PADI4: variants seen among roughly 807,000 people sequenced by gnomAD.
The protein encoded by PADI4 is protein-arginine deiminase type-4.
PADI4 carries 62 observed loss-of-function variants against 75.0 expected under a neutral mutation model. The observed-to-expected ratio is 0.83, with a 90% CI of 0.67 to 1.02. PADI4 has a LOEUF of 1.02. Among genes scored for constraint, PADI4 ranks in the 50% least tolerant of loss-of-function variants. PADI4 has a pLI of 0.00. For synonymous variants in PADI4, 361 were observed against 348.1 expected (o/e 1.04, Z -0.41); for missense variants, 845 against 850.5 (o/e 0.99, Z 0.08).
chr1:17,331,463 C>T (rs1257001877), intron 2 of PADI4, among the ~76,000 whole-genome samples: 1 of 152,228 alleles, frequency 6.6e-6, no homozygotes, highest in Non-Finnish European at 1.5e-5. Context: ...GGGTGCAGCC[C>T]TCATGGGGCT....
In PADI4 at chr1:17,334,024, G is replaced by C; in HGVS notation, c.340+15G>C. 6.4e-7 allele frequency: 1 copy of C among 1,561,150 alleles called. No homozygotes were observed. Among genetic ancestry groups the C allele is most frequent in the Non-Finnish European group, 8.8e-7 (1 of 1,131,428 alleles). Reference sequence around the variant, plus strand: ...CACCGGGGTGGGTAAGTGACAACCAGGATCCTAGAGTGCCGTCTCATCCCC... The same window carrying C: ...CACCGGGGTGGGTAAGTGACAACCACGATCCTAGAGTGCCGTCTCATCCCC... On this transcript the variant is annotated intron_variant, in intron 3 of 15. Transcript: ENST00000375448.
At chr1:17,315,390 C>T (rs911275260) in intron 1 of PADI4, among the ~76,000 whole-genome samples, 1 of 152,196 alleles carries the variant, frequency 6.6e-6, no homozygotes, top group Admixed American at 6.5e-5. Flanking sequence ...GGGTGTCATT[C>T]CTCTTTGCAT....
At chr1:17,334,054 C>G in intron 3 of PADI4, 45 bp downstream of exon 3, 1 of 1,194,494 alleles carries the variant, frequency 8.4e-7, no homozygotes. Context: ...ATCCCCTGCC[C>G]ACCTCCTAAT....
At chr1:17,340,299 A>G (rs150719848) in intron 6 of PADI4, among the ~76,000 whole-genome samples, 1 of 152,272 alleles carries the variant, frequency 6.6e-6, no homozygotes, top group African/African-American at 2.4e-5. Context: ...TGGGAGAACT[A>G]TAGGTAAAAT....
rs2074877142 is a variant in PADI4 at position 17,363,561 on chromosome 1, A to G, written c.1798A>G (p.Lys600Glu). 1 of 1,613,886 alleles carries G rather than the reference A, an allele frequency of 6.2e-7. No homozygotes were observed. The highest frequency in any genetic ancestry group is 1.3e-5 in the African/African-American group (1 of 74,928). Residue 600 changes from lysine (K) to glutamate (E), a missense_variant, in exon 16 of 16, where the codon AAG becomes GAG. By Grantham distance (56) the Lys-to-Glu change is moderately conservative (BLOSUM62 1). Coordinates refer to ENST00000375448, the MANE Select transcript of PADI4 (RefSeq NM_012387.3). ...GCTAGGGAAGCACCTGGGCATCCCC[A>G]AGCCCTTCGGGCCCGTCATCAACGG... ...LVLGKHLGIP[K>E]PFGPVINGRC...
intron 1 of PADI4, among the ~76,000 whole-genome samples, chr1:17,330,351 G>A (rs934654808): frequency 6.6e-6 from 1 of 152,186 alleles, no homozygotes; most frequent in Non-Finnish European, 1.5e-5. Flanking sequence ...GTTCTCCAGA[G>A]GGACAGAATA....
chr1:17,353,520 C>G (rs530988601), intron 10 of PADI4, among the ~76,000 whole-genome samples: 2 of 152,194 alleles, frequency 1.3e-5, no homozygotes, highest in African/African-American at 4.8e-5. Flanking sequence ...AGTTCATGGC[C>G]CCCATGAAGC....
intron 1 of PADI4, among the ~76,000 whole-genome samples, chr1:17,319,785 C>T (rs559274365): frequency 1.5e-3 from 221 of 152,292 alleles, no homozygotes; most frequent in Non-Finnish European, 2.6e-3. Flanking sequence ...TTGACTACAG[C>T]TCGGCATCGG....
intron 13 of PADI4, among the ~76,000 whole-genome samples, chr1:17,357,627 G>A (rs928869285): frequency 1.3e-5 from 2 of 152,040 alleles, no homozygotes; most frequent in African/African-American, 4.8e-5. Flanking sequence ...TCCTGTAAGT[G>A]TGCTATTAAA....
chr1:17,343,932 T>C (rs2074469469), intron 8 of PADI4, among the ~76,000 whole-genome samples: 1 of 152,128 alleles, frequency 6.6e-6, no homozygotes, highest in Non-Finnish European at 1.5e-5. Context: ...GCTGAAAAGA[T>C]ACCCAAAATG....
At position 17,358,820 on chromosome 1, in the gene PADI4, T is replaced by C. The variant is rs1305423830; in HGVS notation, c.1559-18T>C. ...CCTCTAAGTTCATTTGCCTTTTTTT[T>C]CTTTTTCTCCATGACAGAAAAAAAA... On this transcript the variant is annotated intron_variant, in intron 13 of 15. Transcript: ENST00000375448. 10 of 1,564,784 alleles carry C rather than the reference T, an allele frequency of 6.4e-6. No individual in the cohort carries two copies. Among genetic ancestry groups the C allele is most frequent in the Admixed American group, 1.8e-5 (1 of 56,380 alleles).
intron 1 of PADI4, among the ~76,000 whole-genome samples, chr1:17,313,900 AC>A (rs1293847496): frequency 6.6e-6 from 1 of 152,178 alleles, no homozygotes; most frequent in African/African-American, 2.4e-5. Context: ...CCTGGTGTGA[AC>A]CCCCAGATGT....
At chr1:17,320,106 G>C (rs552093631) in intron 1 of PADI4, among the ~76,000 whole-genome samples, 1 of 152,316 alleles carries the variant, frequency 6.6e-6, no homozygotes, top group East Asian at 1.9e-4. Context: ...GTGTCGGCAA[G>C]GCTGTATTCC....
At chr1:17,336,514 G>A (rs1374872180) in intron 4 of PADI4, among the ~76,000 whole-genome samples, 1 of 152,152 alleles carries the variant, frequency 6.6e-6, no homozygotes. Flanking sequence ...GGCAGGTCTC[G>A]ACTCTGGCTC....
At chr1:17,362,741 T>C (rs886623481) in intron 15 of PADI4, among the ~76,000 whole-genome samples, 2 of 152,216 alleles carry the variant, frequency 1.3e-5, no homozygotes, top group Admixed American at 1.3e-4. Flanking sequence ...ATAGCTGTAG[T>C]CCAAGTATAG....
intron 10 of PADI4, among the ~76,000 whole-genome samples, chr1:17,353,841 T>C (rs2074712045): frequency 6.6e-6 from 1 of 151,968 alleles, no homozygotes. Context: ...GACACGGAAA[T>C]ATAATAGATT....
intron 1 of PADI4, among the ~76,000 whole-genome samples, chr1:17,327,622 A>T (rs1295936412): frequency 6.6e-6 from 1 of 151,502 alleles, no homozygotes; most frequent in African/African-American, 2.4e-5. Context: ...GGTTACTGCA[A>T]CCTCTGCCTC....
rs920458728 is a variant in PADI4, at chr1:17,359,191, C to T, written c.1630-89C>T. 42 of 973,682 alleles carry T rather than the reference C, an allele frequency of 4.3e-5. No individual in the cohort carries two copies. The Admixed American group carries it at 4.4e-4, about 10-fold the overall frequency. 60.3% of individuals were successfully genotyped at this position (973,682 alleles called of 1,614,324 possible). A position where few individuals can be genotyped will look rare whatever the true frequency, so the allele number is the denominator to read the frequency against. On this transcript the variant is annotated intron_variant, in intron 14 of 15. Transcript: ENST00000375448. ...TGACACTGTCCCAGGTCCTACCCTC[C>T]GGCAGGGGGCCTCAGCCCCACACTG...
intron 13 of PADI4, 58 bp from the exon 14 acceptor site, chr1:17,358,780 G>C: frequency 8.6e-7 from 1 of 1,160,114 alleles, no homozygotes. Context: ...CACTGGCTGG[G>C]AAGAGGGAAA....
Sources: gnomAD v4.1 joint callset for allele counts (sites outside exome capture counted in the v4.1 genomes callset) on GRCh38, gnomAD v4.1.1 for gene constraint, MANE v1.5 for transcripts, NCBI Gene and HGNC (gene_info 2026-07-23, HGNC 2026-07-21) for gene names.